The following NSMAF variants were observed in gnomAD, a reference collection of about 807,000 sequenced individuals.
NSMAF encodes the protein neutral sphingomyelinase activation associated factor.
Under a neutral mutation model 134.9 loss-of-function variants are expected in NSMAF, and 90 were observed. The observed-to-expected ratio is 0.67, with a 90% CI of 0.56 to 0.79. NSMAF has a LOEUF of 0.79. NSMAF is among the 30% of genes least tolerant of loss of function. The pLI, the probability that NSMAF is intolerant of heterozygous loss-of-function variation, is 0.00. For synonymous variants in NSMAF, 358 were observed against 389.6 expected, an observed-to-expected ratio of 0.92 and a Z score of 0.96; for missense variants, 1,010 against 1,119.0, an observed-to-expected ratio of 0.90 and a Z score of 1.39.
chr8:58,585,880 G>T lies in NSMAF; in HGVS notation c.2549+18C>A. 2 of 1,605,972 alleles carry T rather than the reference G, an allele frequency of 1.2e-6. No homozygotes were observed. Among genetic ancestry groups the T allele is most frequent in the African/African-American group, 1.3e-5 (1 of 74,838 alleles). Reference sequence around the variant, plus strand: ...ATGTCTGTAAATGTCTTCGCCCCCAGTAACTCACAAACTATACCTCTGGGG... The same window carrying T: ...ATGTCTGTAAATGTCTTCGCCCCCATTAACTCACAAACTATACCTCTGGGG... On this transcript the variant is annotated intron_variant, in intron 29 of 30. Coordinates refer to ENST00000038176, the MANE Select transcript of NSMAF (RefSeq NM_003580.4).
chr8:58,606,787 GAAGTT>G (rs1806420013), intron 11 of NSMAF, among the ~76,000 whole-genome samples: 1 of 152,150 alleles, frequency 6.6e-6, no homozygotes, highest in Admixed American at 6.6e-5. Flanking sequence ...GGGAGCTTAG[GAAGTT>G]AACCCCCGGA....
chr8:58,587,527 AAAC>A (rs1805913002), intron 27 of NSMAF, 88 bp downstream of exon 27: 2 of 993,404 alleles, frequency 2.0e-6, no homozygotes, highest in Middle Eastern at 2.1e-4. Context: ...AAATAAAGCA[AAAC>A]AACATGAACA....
chr8:58,589,629 C>T, intron 25 of NSMAF, 54 bp from the exon 26 acceptor site: 2 of 1,492,002 alleles, frequency 1.3e-6, no homozygotes, highest in Non-Finnish European at 1.8e-6. Context: ...TTTAAGGCTC[C>T]TAAACATATA....
intron 12 of NSMAF, among the ~76,000 whole-genome samples, chr8:58,605,605 T>C (rs972031718): frequency 6.6e-6 from 1 of 152,186 alleles, no homozygotes; most frequent in African/African-American, 2.4e-5. Flanking sequence ...GAGAAGAAAT[T>C]AGACCCACAA....
At chr8:58,637,389 C>A (rs950213851) in intron 2 of NSMAF, 3 of 455,946 alleles carry the variant, frequency 6.6e-6, no homozygotes, top group Non-Finnish European at 1.3e-5. Context: ...TATTTCTAGG[C>A]CTTTTCAAAA....
At chr8:58,653,691 G>C (rs1807637445) in intron 1 of NSMAF, among the ~76,000 whole-genome samples, 1 of 152,210 alleles carries the variant, frequency 6.6e-6, no homozygotes, top group Middle Eastern at 3.4e-3. Context: ...CAAAATCTAT[G>C]AGTTGGACAT....
At chr8:58,659,143 C>T (rs1280129222) in intron 1 of NSMAF, 3 of 1,373,372 alleles carry the variant, frequency 2.2e-6, no homozygotes, top group South Asian at 3.2e-5. Flanking sequence ...GTGCCTGGAC[C>T]CGATTAAGGG....
chr8:58,588,245 G>A (rs532591005), intron 26 of NSMAF, among the ~76,000 whole-genome samples: 4 of 151,786 alleles, frequency 2.6e-5, no homozygotes, highest in Middle Eastern at 3.4e-3. Flanking sequence ...TTCCTACATC[G>A]AAAGAATGGT....
At chr8:58,642,401 C>G (rs540676716) in intron 2 of NSMAF, among the ~76,000 whole-genome samples, 8 of 152,204 alleles carry the variant, frequency 5.3e-5, no homozygotes, top group South Asian at 4.2e-4. Flanking sequence ...AAGGTAAAGT[C>G]AAAGAAACAA....
At chr8:58,590,212 TCTC>T (rs1360859070) in intron 24 of NSMAF, 138 bp from the exon 25 acceptor site, 1 of 714,878 alleles carries the variant, frequency 1.4e-6, no homozygotes, top group Non-Finnish European at 2.4e-6. Flanking sequence ...ACGCAGATTT[TCTC>T]AACTGGCTAA....
intron 6 of NSMAF, among the ~76,000 whole-genome samples, chr8:58,624,904 G>A (rs578237200): frequency 8.5e-5 from 13 of 152,178 alleles, no homozygotes; most frequent in East Asian, 7.7e-4. Context: ...ATCAATGTTC[G>A]CTTCATATAT....
intron 2 of NSMAF, among the ~76,000 whole-genome samples, chr8:58,637,056 A>G (rs1807192608): frequency 6.6e-6 from 1 of 152,172 alleles, no homozygotes. Context: ...ACACAAACAC[A>G]CATATTTATA....
intron 9 of NSMAF, among the ~76,000 whole-genome samples, chr8:58,616,248 T>C (rs1806651027): frequency 1.3e-5 from 2 of 152,044 alleles, no homozygotes; most frequent in African/African-American, 4.8e-5. Context: ...AAACCGGAGA[T>C]AAAGAAAACC....
At chr8:58,607,965 G>A in intron 10 of NSMAF, 125 bp from the exon 11 acceptor site, 2 of 763,734 alleles carry the variant, frequency 2.6e-6, no homozygotes, top group South Asian at 3.1e-5. Context: ...ATTGGAAAAG[G>A]AAATCTTGGA....
Position 58,635,285 on chromosome 8 carries a change from C to T in NSMAF, c.296+20G>A, listed in dbSNP as rs764583356. 37 of 1,609,284 alleles carry T rather than the reference C, an allele frequency of 2.3e-5. No individual in the cohort carries two copies. The highest frequency in any genetic ancestry group is 3.4e-5 in the Admixed American group (2 of 59,414). On this transcript the variant is annotated intron_variant, in intron 4 of 30. Transcript: ENST00000038176. The stretch of plus-strand genomic sequence containing the variant: ...GCTTTTTGGTTGAAGTAAAATTAAA[C>T]AGTGGTGAAAATGACATACTTTGTG...
At chr8:58,655,711 T>A (rs1236125299) in intron 1 of NSMAF, among the ~76,000 whole-genome samples, 3 of 151,748 alleles carry the variant, frequency 2.0e-5, no homozygotes, top group Admixed American at 6.6e-5. Flanking sequence ...ATCGAGACCA[T>A]CCTGGCTAAC....
chr8:58,614,527 T>C (rs1425716408), intron 9 of NSMAF, among the ~76,000 whole-genome samples: 3 of 152,202 alleles, frequency 2.0e-5, no homozygotes, highest in Non-Finnish European at 1.5e-5. Context: ...TGCATAGCAA[T>C]GGTTATGTGC....
At position 58,603,254 on chromosome 8, in the gene NSMAF, G is replaced by A; in HGVS notation, c.1001C>T (p.Pro334Leu). Residue 334 changes from proline to leucine, a missense_variant, in exon 13 of 31, where the codon CCT becomes CTT. Coordinates refer to ENST00000038176, the MANE Select transcript of NSMAF (RefSeq NM_003580.4). Reference sequence around the variant, plus strand: ...ATCATGTATTATCCATGGAAACACAGGGTACTGGGAGAGGTCGTTGCAGCT... The same window carrying A: ...ATCATGTATTATCCATGGAAACACAAGGTACTGGGAGAGGTCGTTGCAGCT... ...DRSCNDLSQY[P>L]VFPWIIHDYS... The A allele has an allele frequency of 1.9e-6, 3 of 1,614,166 alleles. No individual in the cohort carries two copies. The highest frequency in any genetic ancestry group is 1.1e-5 in the South Asian group (1 of 91,076).
intron 23 of NSMAF, among the ~76,000 whole-genome samples, chr8:58,592,913 AC>A (rs201255609): frequency 0.026 from 3,033 of 117,424 alleles, 125 homozygotes; most frequent in East Asian, 0.2. Flanking sequence ...AAAAACAACA[AC>A]AACAAAAAAA....
Sources: gnomAD v4.1 joint callset for allele counts (sites outside exome capture counted in the v4.1 genomes callset) on GRCh38, gnomAD v4.1.1 for gene constraint, MANE v1.5 for transcripts, NCBI Gene and HGNC (gene_info 2026-07-23, HGNC 2026-07-21) for gene names.